Variants in PRTG observed in about 807,000 individuals in gnomAD.
PRTG encodes immunoglobulin superfamily, DCC subclass, member 5.
A neutral mutation model predicts 122.5 loss-of-function variants in PRTG; 67 were observed. The ratio of observed to expected loss-of-function variants is 0.55; its 90% CI spans 0.45 to 0.67. The LOEUF (loss-of-function observed/expected upper bound fraction) is 0.67. Among genes scored for constraint, PRTG ranks in the 30% least tolerant of loss-of-function variants. The pLI, the probability that PRTG is intolerant of heterozygous loss-of-function variation, is 0.00. For missense variants in PRTG, 1,435 were observed against 1,415.4 expected (o/e 1.01, Z -0.22); for synonymous variants, 554 against 501.1 (o/e 1.11, Z -1.41).
Position 55,627,037 on chromosome 15 carries a change from A to G in PRTG, c.2898T>C (p.Val966=). 3 of 1,611,348 alleles carry G rather than the reference A, an allele frequency of 1.9e-6. No individual in the cohort carries two copies. The highest frequency in any genetic ancestry group is 2.5e-6 in the Non-Finnish European group (3 of 1,178,914). Residue 966 remains valine, a synonymous_variant, in exon 17 of 20, where the codon GTT becomes GTC. Coordinates refer to ENST00000389286, the MANE Select transcript of PRTG (RefSeq NM_173814.6). The part of the protein sequence containing the change: ...GIALTCILIC[V]LILIYRSKAR... ...CTTTACTTCGGTATATCAAGATGAG[A>G]ACACAGATGAGGATGCAGGTCAAGG...
Position 55,620,717 on chromosome 15 carries a change from GT to G in PRTG, c.3143del (p.Asn1048ThrfsTer38). 3.1e-6 allele frequency: 5 copies of G among 1,602,856 alleles called. No homozygotes were observed. The highest frequency in any genetic ancestry group is 4.2e-6 in the Non-Finnish European group (5 of 1,177,466). On this transcript the variant is annotated frameshift_variant, in exon 19 of 20. Transcript: ENST00000389286. LOFTEE classifies it high-confidence loss of function. ...INSYGPIIKN[N>X]SKKKWFFFQD... ...GGAAAAAAAACCACTTTTTCTTAGA[GT>G]TGTTTTTAATTATAGGACCATAGCT...
intron 9 of PRTG, among the ~76,000 whole-genome samples, chr15:55,675,143 C>T (rs1455786753): frequency 6.6e-6 from 1 of 151,952 alleles, no homozygotes; most frequent in East Asian, 1.9e-4. Flanking sequence ...GTATAAAGTC[C>T]AAGTTTCAGA....
chr15:55,683,756 A>G (rs1343148902), intron 3 of PRTG, 31 bp downstream of exon 3: 2 of 1,591,180 alleles, frequency 1.3e-6, no homozygotes, highest in Non-Finnish European at 1.7e-6. Flanking sequence ...TTACTCCCAT[A>G]TCATCTCCAA....
chr15:55,716,496 G>C (rs1415659270), intron 2 of PRTG, among the ~76,000 whole-genome samples: 1 of 152,110 alleles, frequency 6.6e-6, no homozygotes, highest in African/African-American at 2.4e-5. Context: ...GAAAGGTTTT[G>C]GACTATCAAG....
rs2059148366 is a variant in PRTG, at chr15:55,618,024, G to A, written c.*1988C>T. 6.6e-6 allele frequency: 1 copy of A among 152,120 alleles called. No homozygotes were observed. The highest frequency in any genetic ancestry group is 6.6e-5 in the Admixed American group (1 of 15,262). The allele number at this position is 152,120 out of a possible 1,614,324, so 9.4% of individuals were successfully genotyped here. A position where few individuals can be genotyped will look rare whatever the true frequency, so the allele number is the denominator to read the frequency against. On this transcript the variant is annotated 3_prime_UTR_variant, in exon 20 of 20. Transcript: ENST00000389286. ...TAACACTAGAATAACTTTAAAAGGA[G>A]GTAGTATAAAACAGGAGCTATAAAG...
Position 55,673,570 on chromosome 15 carries a change from C to T in PRTG, c.1653G>A (p.Leu551=). The T allele has an allele frequency of 6.2e-7, 1 of 1,614,196 alleles. No homozygotes were observed. Among genetic ancestry groups the T allele is most frequent in the South Asian group, 1.1e-5 (1 of 91,086 alleles). Residue 551 remains leucine (L), a synonymous_variant, in exon 10 of 20, where the codon CTG becomes CTA. Transcript: ENST00000389286. The part of the protein sequence containing the change: ...PAKYRRGQVV[L]YRLSFRLSTE... Reference sequence around the variant, plus strand: ...TACTTAGGCGGAAAGACAAGCGATACAGCACCACTTGGCCCCGCCGATATT... The same window carrying T: ...TACTTAGGCGGAAAGACAAGCGATATAGCACCACTTGGCCCCGCCGATATT...
At chr15:55,638,872 T>C (rs917424080) in intron 13 of PRTG, among the ~76,000 whole-genome samples, 196 bp from the exon 14 acceptor site, 6 of 152,344 alleles carry the variant, frequency 3.9e-5, no homozygotes, top group Non-Finnish European at 7.3e-5. Flanking sequence ...CCTGTAGAAA[T>C]AAGCCTACTA....
chr15:55,711,397 T>C (rs2030381923), intron 2 of PRTG, among the ~76,000 whole-genome samples: 1 of 152,022 alleles, frequency 6.6e-6, no homozygotes, highest in African/African-American at 2.4e-5. Flanking sequence ...TCCTCAAGGG[T>C]AGAGATCATT....
At chr15:55,634,985 T>C (rs904184683) in intron 15 of PRTG, among the ~76,000 whole-genome samples, 3 of 152,156 alleles carry the variant, frequency 2.0e-5, no homozygotes, top group Admixed American at 6.5e-5. Flanking sequence ...CATTAGCGAA[T>C]GTGAAGCAAG....
intron 11 of PRTG, among the ~76,000 whole-genome samples, chr15:55,666,400 TG>T (rs1043402648): frequency 2.0e-5 from 3 of 152,230 alleles, no homozygotes; most frequent in African/African-American, 7.2e-5. Flanking sequence ...ATATACATTT[TG>T]GGAAGACACA....
rs770277457 is a variant in PRTG, at chr15:55,675,732, T to C, written c.1382-49A>G. 3.3e-6 allele frequency: 4 copies of C among 1,217,512 alleles called. No homozygotes were observed. The South Asian group carries it at 5.4e-5, about 16-fold the overall frequency. The allele number at this position is 1,217,512 out of a possible 1,614,324, so 75.4% of individuals were successfully genotyped here. A position where few individuals can be genotyped will look rare whatever the true frequency, so the allele number is the denominator to read the frequency against. ...AAAATGACAGATATTCAAAATAAAA[T>C]TAACAAGACCATTTTCCTGCACTGT... On this transcript the variant is annotated intron_variant, in intron 8 of 19. Transcript: ENST00000389286.
intron 2 of PRTG, among the ~76,000 whole-genome samples, chr15:55,700,388 C>A (rs898336113): frequency 3.3e-5 from 5 of 152,208 alleles, no homozygotes; most frequent in African/African-American, 1.2e-4. Flanking sequence ...ACAGAAAAAT[C>A]TTTGTGTCCT....
chr15:55,645,221 G>T (rs553043811), intron 11 of PRTG, among the ~76,000 whole-genome samples: 1 of 151,212 alleles, frequency 6.6e-6, no homozygotes, highest in African/African-American at 2.4e-5. Context: ...GGATCACGAG[G>T]TCAGGAGATC....
At chr15:55,651,557 G>A (rs2059353323) in intron 11 of PRTG, among the ~76,000 whole-genome samples, 2 of 152,100 alleles carry the variant, frequency 1.3e-5, no homozygotes, top group Admixed American at 1.3e-4. Context: ...TAAAACCGAT[G>A]GACATCAAAT....
chr15:55,639,417 CA>C (rs1045005433), intron 13 of PRTG, among the ~76,000 whole-genome samples: 2 of 152,044 alleles, frequency 1.3e-5, no homozygotes, highest in African/African-American at 4.8e-5. Context: ...TTGCATGAGG[CA>C]AGGAAAATTT....
intron 11 of PRTG, among the ~76,000 whole-genome samples, chr15:55,646,917 G>A (rs1030773639): frequency 6.6e-6 from 1 of 152,046 alleles, no homozygotes; most frequent in Non-Finnish European, 1.5e-5. Flanking sequence ...TCTTCTCCCT[G>A]CTGTCCCTAG....
At chr15:55,717,431 G>T (rs1174456212) in intron 2 of PRTG, among the ~76,000 whole-genome samples, 1 of 152,036 alleles carries the variant, frequency 6.6e-6, no homozygotes. Flanking sequence ...GTAATTCTAC[G>T]CAAGAGAAAA....
intron 2 of PRTG, chr15:55,702,748 C>A (rs575940676): frequency 1.1e-5 from 2 of 184,348 alleles, no homozygotes; most frequent in South Asian, 3.7e-4. Context: ...GCAGTCACAC[C>A]TCTGCTGAGA....
rs1312873619 is a variant in PRTG at position 55,616,676 on chromosome 15, ATT to A, written c.*3334_*3335del. ...AAACAACAGTTTAATGTACAACTAT[ATT>A]TGCCTATATGCGGAGGTAACCTTAA... is the stretch of plus-strand genomic sequence containing the variant. On this transcript the variant is annotated 3_prime_UTR_variant, in exon 20 of 20. Transcript: ENST00000389286. The A allele has an allele frequency of 6.6e-6, 1 of 152,142 alleles. No individual in the cohort carries two copies. Among genetic ancestry groups the A allele is most frequent in the Non-Finnish European group, 1.5e-5 (1 of 67,990 alleles). 9.4% of individuals were successfully genotyped at this position (152,142 alleles called of 1,614,324 possible). A position where few individuals can be genotyped will look rare whatever the true frequency, so the allele number is the denominator to read the frequency against.
Sources: allele counts gnomAD v4.1 joint callset (sites outside exome capture counted in the v4.1 genomes callset), GRCh38; gene constraint gnomAD v4.1.1; transcripts MANE v1.5; gene names NCBI Gene and HGNC (gene_info 2026-07-23, HGNC 2026-07-21).